The following ATP11A variants were observed in gnomAD, a reference collection of about 807,000 sequenced individuals.
ATP11A encodes ATPase phospholipid transporting 11A, also known as phospholipid-transporting ATPase IH.
Under a neutral mutation model 154.4 loss-of-function variants are expected in ATP11A, and 81 were observed. The observed-to-expected ratio is 0.52, with a 90% confidence interval of 0.44 to 0.63. ATP11A has a LOEUF of 0.63. Ranked by LOEUF, ATP11A falls within the 30% of genes least tolerant of loss-of-function variation. The pLI, the probability that ATP11A is intolerant of heterozygous loss-of-function variation, is 0.00. For missense variants in ATP11A, 1,316 were observed against 1,474.3 expected, an observed-to-expected ratio of 0.89 and a Z score of 1.76; for synonymous variants, 623 against 585.9, an observed-to-expected ratio of 1.06 and a Z score of -0.91.
chr13:112,791,109 C>T (rs1413239887), intron 2 of ATP11A, among the ~76,000 whole-genome samples: 1 of 152,200 alleles, frequency 6.6e-6, no homozygotes, highest in Non-Finnish European at 1.5e-5. Context: ...CTTATATGTA[C>T]TTCACCCATC....
intron 7 of ATP11A, 128 bp downstream of exon 7, chr13:112,819,535 T>G: frequency 1.4e-6 from 1 of 736,622 alleles, no homozygotes; most frequent in South Asian, 1.8e-5. Flanking sequence ...GCTTAAAGAT[T>G]AAGACTGAGT....
intron 1 of ATP11A, among the ~76,000 whole-genome samples, chr13:112,721,236 G>A (rs1311305171): frequency 6.6e-6 from 1 of 152,136 alleles, no homozygotes. Context: ...GAAGTTGCTG[G>A]AACCCTCTGC....
At chr13:112,854,210 G>A in intron 18 of ATP11A, 69 bp from the exon 19 acceptor site, 1 of 1,538,358 alleles carries the variant, frequency 6.5e-7, no homozygotes. Context: ...AGTTTCTGCA[G>A]TTCCTTATTT....
At chr13:112,839,255 G>A (rs996907194) in intron 16 of ATP11A, among the ~76,000 whole-genome samples, 3 of 152,046 alleles carry the variant, frequency 2.0e-5, no homozygotes, top group African/African-American at 7.3e-5. Context: ...ACAGAAGACC[G>A]ACTCGAAAGA....
intron 1 of ATP11A, among the ~76,000 whole-genome samples, chr13:112,698,344 G>A (rs1886120571): frequency 6.6e-6 from 1 of 152,174 alleles, no homozygotes; most frequent in Non-Finnish European, 1.5e-5. Flanking sequence ...AGGCTTTTCT[G>A]GTTTGGTTGA....
chr13:112,701,615 G>A (rs1349581244), intron 1 of ATP11A, among the ~76,000 whole-genome samples: 3 of 150,750 alleles, frequency 2.0e-5, no homozygotes, highest in African/African-American at 2.4e-5. Context: ...GGCGGATCAC[G>A]AGGTCGGGAG....
rs1208965627 is a variant in ATP11A, at chr13:112,696,287, C to T, written c.39+5832C>T. On this transcript the variant is annotated intron_variant, in intron 1 of 29. Transcript: ENST00000375645. This position sits in a 1 kb window ranked among gnomAD's most constrained non-coding sequence, Gnocchi z 6.2. ...TGGGCTTCTTAAGGAGACCGCCTCTCACCTTGGGCTTTCCGGAACCTTCTC... is the reference window on the plus strand; with the variant it reads ...TGGGCTTCTTAAGGAGACCGCCTCTTACCTTGGGCTTTCCGGAACCTTCTC... Among the ~76,000 whole-genome samples the T allele has an allele frequency of 2.0e-5, 3 of 152,238 alleles. No individual in the cohort carries two copies. The highest frequency in any genetic ancestry group is 7.2e-5 in the African/African-American group (3 of 41,460).
chr13:112,741,680 C>T (rs2090040786), intron 1 of ATP11A, among the ~76,000 whole-genome samples: 1 of 152,136 alleles, frequency 6.6e-6, no homozygotes, highest in South Asian at 2.1e-4. Flanking sequence ...GTCGTTTGTT[C>T]CCGCCAAGCC....
intron 1 of ATP11A, among the ~76,000 whole-genome samples, chr13:112,743,477 G>A (rs1243153711): frequency 1.3e-5 from 2 of 151,970 alleles, no homozygotes; most frequent in African/African-American, 4.8e-5. Context: ...GATAACCTGT[G>A]CAGATGTTGT....
chr13:112,727,184 A>T (rs570949409), intron 1 of ATP11A, among the ~76,000 whole-genome samples: 120 of 152,270 alleles, frequency 7.9e-4, no homozygotes, highest in African/African-American at 2.7e-3. Flanking sequence ...AGTAGCTGGG[A>T]TTACAGGCAT....
intron 5 of ATP11A, 88 bp downstream of exon 5, chr13:112,810,814 C>T (rs2078472331): frequency 6.2e-6 from 7 of 1,125,742 alleles, no homozygotes; most frequent in East Asian, 2.4e-5. Context: ...CTCGCGCCTC[C>T]AGTCCCAGCT....
intron 2 of ATP11A, among the ~76,000 whole-genome samples, chr13:112,787,470 G>T (rs1201672954): frequency 4.4e-5 from 5 of 114,406 alleles, no homozygotes; most frequent in Admixed American, 8.1e-5. Flanking sequence ...GACCCCTGTG[G>T]ATACCTACTT....
intron 4 of ATP11A, among the ~76,000 whole-genome samples, chr13:112,809,362 G>A (rs1336923935): frequency 6.6e-6 from 1 of 152,214 alleles, no homozygotes; most frequent in African/African-American, 2.4e-5. Flanking sequence ...TTCTCCAGAA[G>A]CTGGAGGTTT....
At chr13:112,747,546 T>G (rs1892308485) in intron 1 of ATP11A, 1 of 152,210 alleles carries the variant, frequency 6.6e-6, no homozygotes, top group Non-Finnish European at 1.5e-5. Flanking sequence ...TTACAAAAAG[T>G]AACACAGGGC....
intron 1 of ATP11A, among the ~76,000 whole-genome samples, chr13:112,723,874 G>A (rs1408075024): frequency 6.6e-6 from 1 of 152,140 alleles, no homozygotes; most frequent in Non-Finnish European, 1.5e-5. Context: ...TGTCTCGCCC[G>A]AAACCCGGAG....
At chr13:112,770,659 T>C (rs1000891877) in intron 1 of ATP11A, among the ~76,000 whole-genome samples, 3 of 152,210 alleles carry the variant, frequency 2.0e-5, no homozygotes, top group Admixed American at 1.3e-4. Flanking sequence ...AGGGCCTGTT[T>C]GCGTTTATTA....
chr13:112,820,009 A>G (rs2078754824), intron 8 of ATP11A, 59 bp downstream of exon 8: 2 of 1,477,646 alleles, frequency 1.4e-6, no homozygotes, highest in South Asian at 1.3e-5. Flanking sequence ...TTAGAAATGC[A>G]TTCTTTGACG....
In ATP11A at chr13:112,845,303, G is replaced by A. The variant is rs532198764; in HGVS notation, c.1809+2924G>A. Among the ~76,000 whole-genome samples the A allele has an allele frequency of 4.2e-5, 5 of 120,458 alleles. 2 individuals carry two copies. The highest frequency in any genetic ancestry group is 4.0e-4 in the Admixed American group (5 of 12,442). 79.0% of individuals were successfully genotyped at this position (120,458 alleles called of 152,430 possible). ...TTCAGTCCAGTTGCCAGGCACTAGT[G>A]GTTCTAACCAGTCCAGTTGCCGGCA... is the stretch of plus-strand genomic sequence containing the variant. On this transcript the variant is annotated intron_variant, in intron 17 of 29. Coordinates refer to ENST00000375645, the MANE Select transcript of ATP11A (RefSeq NM_015205.3).
intron 1 of ATP11A, among the ~76,000 whole-genome samples, chr13:112,760,283 C>G (rs1298063615): frequency 2.0e-5 from 3 of 152,158 alleles, no homozygotes; most frequent in Non-Finnish European, 4.4e-5. Context: ...TTCATGCTTC[C>G]CTTCGTCCAG....
Sources: allele counts gnomAD v4.1 joint callset (sites outside exome capture counted in the v4.1 genomes callset), GRCh38; gene constraint gnomAD v4.1.1; non-coding constraint Gnocchi (gnomAD v3.1); transcripts MANE v1.5; gene names NCBI Gene and HGNC (gene_info 2026-07-23, HGNC 2026-07-21).